Variants in LMBRD1 observed in about 807,000 individuals in gnomAD.
LMBRD1 encodes the protein lysosomal cobalamin transport escort protein LMBD1.
In LMBRD1, 64 loss-of-function variants were observed where a neutral mutation model predicts 74.8. That is an observed-to-expected ratio of 0.86 (90% CI 0.70 to 1.05). The LOEUF (loss-of-function observed/expected upper bound fraction) is 1.05, where lower values mean the gene tolerates loss of function less well. LMBRD1 is among the 50% of genes least tolerant of loss of function. LMBRD1 has a pLI of 0.00. For missense variants in LMBRD1, 652 were observed against 645.9 expected, an observed-to-expected ratio of 1.01 and a Z score of -0.10; for synonymous variants, 204 against 216.3, an observed-to-expected ratio of 0.94 and a Z score of 0.50.
Position 69,752,361 on chromosome 6 carries a change from G to A in LMBRD1, c.308-5C>T. 1 of 1,602,184 alleles carries A rather than the reference G, an allele frequency of 6.2e-7. No individual in the cohort carries two copies. Among genetic ancestry groups the A allele is most frequent in the Non-Finnish European group, 8.5e-7 (1 of 1,170,122 alleles). On this transcript the variant is annotated splice_polypyrimidine_tract_variant and splice_region_variant and intron_variant, in intron 3 of 15. Coordinates refer to ENST00000649934, the MANE Select transcript of LMBRD1 (RefSeq NM_018368.4). ...ACAATATAACAGAATATAAAGCTGT[G>A]GAAATAAATAATAAACCGAGCTTTA...
intron 14 of LMBRD1, among the ~76,000 whole-genome samples, chr6:69,679,653 G>A (rs1003327679): frequency 2.0e-5 from 3 of 152,054 alleles, no homozygotes; most frequent in Non-Finnish European, 4.4e-5. Flanking sequence ...TGAAATTAAA[G>A]CATAACTAAA....
chr6:69,726,297 C>G (rs1203013101), intron 7 of LMBRD1, among the ~76,000 whole-genome samples: 2 of 152,274 alleles, frequency 1.3e-5, no homozygotes, highest in East Asian at 3.9e-4. Flanking sequence ...ATTAGTACAA[C>G]CACTACAGAG....
At chr6:69,737,510 A>G (rs1195103418) in intron 7 of LMBRD1, among the ~76,000 whole-genome samples, 1 of 151,708 alleles carries the variant, frequency 6.6e-6, no homozygotes, top group African/African-American at 2.4e-5. Context: ...CTGCAAAACC[A>G]GTAATAGATA....
intron 5 of LMBRD1, among the ~76,000 whole-genome samples, chr6:69,747,294 G>A (rs6938478): frequency 0.36 from 54,838 of 151,854 alleles, 10,494 homozygotes; most frequent in East Asian, 0.54. Flanking sequence ...GAAAGGCCAT[G>A]TGAAGACAGA....
chr6:69,790,437 T>C lies in LMBRD1; in HGVS notation c.105A>G (p.Lys35=). ...CTTCACTTTCCCGCCGACTTTGGTA[T>C]TTACGAACATATATCCAGCAGAATG... ...ILAFCWIYVR[K]YQSRRESEVV... is the part of the protein sequence containing the mutation. The change falls in exon 2 of 16, where the codon AAA becomes AAG. Residue 35 remains lysine, a synonymous_variant. Coordinates refer to ENST00000649934, the MANE Select transcript of LMBRD1 (RefSeq NM_018368.4). The C allele has an allele frequency of 6.2e-7, 1 of 1,614,034 alleles. No homozygotes were observed. Among genetic ancestry groups the C allele is most frequent in the Non-Finnish European group, 8.5e-7 (1 of 1,179,950 alleles).
At chr6:69,677,404 A>G (rs1247362193) in intron 14 of LMBRD1, among the ~76,000 whole-genome samples, 4 of 152,254 alleles carry the variant, frequency 2.6e-5, no homozygotes, top group Admixed American at 6.5e-5. Flanking sequence ...GGTTAGAATA[A>G]TATTTCTAGG....
intron 7 of LMBRD1, among the ~76,000 whole-genome samples, chr6:69,719,959 C>T (rs1766578339): frequency 6.6e-6 from 1 of 152,106 alleles, no homozygotes; most frequent in African/African-American, 2.4e-5. Context: ...TTAGGCATGA[C>T]CCCAAACACC....
chr6:69,760,833 C>T (rs1387801990), intron 3 of LMBRD1, among the ~76,000 whole-genome samples: 1 of 152,122 alleles, frequency 6.6e-6, no homozygotes, highest in Admixed American at 6.5e-5. Flanking sequence ...ATAGAAAAGT[C>T]CACGTAACAA....
chr6:69,674,300 T>C lies in LMBRD1; in HGVS notation c.*1858A>G, dbSNP rs150883588. Among the ~76,000 whole-genome samples, 4 of 152,290 alleles carry C rather than the reference T, an allele frequency of 2.6e-5. No individual in the cohort carries two copies. The highest frequency in any genetic ancestry group is 9.6e-5 in the African/African-American group (4 of 41,548). On this transcript the variant is annotated 3_prime_UTR_variant, in exon 16 of 16. Transcript: ENST00000649934. ...CCACATAAAGTATTATTCTATGAAG[T>C]ACCAGGGGACAAGATTTCAACATAT...
chr6:69,760,673 A>G (rs1765355469), intron 3 of LMBRD1, among the ~76,000 whole-genome samples: 1 of 152,166 alleles, frequency 6.6e-6, no homozygotes, highest in Non-Finnish European at 1.5e-5. Context: ...GTGGGCTGGC[A>G]CTAGTGACTT....
intron 8 of LMBRD1, among the ~76,000 whole-genome samples, chr6:69,717,018 A>C (rs1766506538): frequency 6.6e-6 from 1 of 151,946 alleles, no homozygotes; most frequent in African/African-American, 2.4e-5. Context: ...AAATTCTGAT[A>C]AAAATTTGAC....
rs372279393 is a variant in LMBRD1 at position 69,741,788 on chromosome 6, C to A, written c.562+1G>T. 13 of 1,543,168 alleles carry A rather than the reference C, an allele frequency of 8.4e-6. No individual in the cohort carries two copies. The highest frequency in any genetic ancestry group is 1.2e-5 in the Non-Finnish European group (13 of 1,116,050). ...TGTTTTTTAAAAAAAACAATACTTA[C>A]GACTACTTCCAAGTTCTTCAAATAG... On this transcript the variant is annotated splice_donor_variant, in intron 6 of 15. Coordinates refer to ENST00000649934, the MANE Select transcript of LMBRD1 (RefSeq NM_018368.4). LOFTEE classifies it high-confidence loss of function.
At chr6:69,772,678 TG>T (rs1172297297) in intron 3 of LMBRD1, among the ~76,000 whole-genome samples, 1 of 152,196 alleles carries the variant, frequency 6.6e-6, no homozygotes, top group African/African-American at 2.4e-5. Context: ...AGGACAGAAC[TG>T]TATCTTATCA....
At chr6:69,773,669 A>AT (rs1431660202) in intron 3 of LMBRD1, among the ~76,000 whole-genome samples, 2 of 152,200 alleles carry the variant, frequency 1.3e-5, no homozygotes, top group South Asian at 2.1e-4. Context: ...GCAAAAAAAA[A>AT]TTTTATTAAA....
intron 3 of LMBRD1, among the ~76,000 whole-genome samples, chr6:69,757,636 G>A (rs1765295333): frequency 6.6e-6 from 1 of 152,088 alleles, no homozygotes; most frequent in Non-Finnish European, 1.5e-5. Context: ...GTCAAGTTGA[G>A]TTTATATATC....
chr6:69,744,533 C>T (rs1461501244), intron 5 of LMBRD1, among the ~76,000 whole-genome samples: 2 of 152,168 alleles, frequency 1.3e-5, no homozygotes, highest in Non-Finnish European at 2.9e-5. Context: ...TAACTTCACA[C>T]ACATTATCTC....
At position 69,738,032 on chromosome 6, in the gene LMBRD1, A is replaced by C; in HGVS notation, c.563-17T>G. The C allele has an allele frequency of 6.3e-7, 1 of 1,581,114 alleles. No individual in the cohort carries two copies. Among genetic ancestry groups the C allele is most frequent in the Non-Finnish European group, 8.7e-7 (1 of 1,154,158 alleles). ...CTAAACCATCTGTGAAGAAAGAAAA[A>C]CTGTTAAAAATGTACATATATACTA... On this transcript the variant is annotated splice_polypyrimidine_tract_variant and intron_variant, in intron 6 of 15. Transcript: ENST00000649934.
At chr6:69,785,914 C>CT (rs552417620) in intron 2 of LMBRD1, among the ~76,000 whole-genome samples, 29 of 152,300 alleles carry the variant, frequency 1.9e-4, no homozygotes, top group South Asian at 6.2e-4. Context: ...CTGCTTCTCC[C>CT]TAAAGGCTCT....
intron 14 of LMBRD1, among the ~76,000 whole-genome samples, chr6:69,681,448 A>T (rs1318697496): frequency 6.6e-6 from 1 of 151,970 alleles, no homozygotes; most frequent in Non-Finnish European, 1.5e-5. Context: ...CTTGACTGCC[A>T]CTAAGATAAC....
Sources: gnomAD v4.1 joint callset for allele counts (sites outside exome capture counted in the v4.1 genomes callset) on GRCh38, gnomAD v4.1.1 for gene constraint, MANE v1.5 for transcripts, NCBI Gene and HGNC (gene_info 2026-07-23, HGNC 2026-07-21) for gene names.